Variants in HIPK3 observed in about 807,000 individuals in gnomAD.
The protein encoded by HIPK3 is homeodomain interacting protein kinase 3.
In HIPK3, 47 loss-of-function variants were observed where a neutral mutation model predicts 124.2. That is an observed-to-expected ratio of 0.38 (90% CI 0.30 to 0.48). HIPK3 has a LOEUF of 0.48. Ranked by LOEUF, HIPK3 falls within the 20% of genes least tolerant of loss-of-function variation. The pLI is 0.98. For synonymous variants in HIPK3, 482 were observed against 515.2 expected, an observed-to-expected ratio of 0.94 and a Z score of 0.87; for missense variants, 1,286 against 1,454.3, an observed-to-expected ratio of 0.88 and a Z score of 1.88.
intron 1 of HIPK3, among the ~76,000 whole-genome samples, chr11:33,272,673 ATTC>A (rs1851159848): frequency 9.6e-6 from 1 of 104,630 alleles, no homozygotes; most frequent in South Asian, 3.0e-4. Context: ...TTTTTCCTTT[ATTC>A]TTTTTTCTTT....
At position 33,257,731 on chromosome 11, in the gene HIPK3, C is replaced by T; in HGVS notation, c.-161C>T. 1 of 989,286 alleles carries T rather than the reference C, an allele frequency of 1.0e-6. No homozygotes were observed. The highest frequency in any genetic ancestry group is 4.5e-5 in the South Asian group (1 of 22,118). 61.3% of individuals were successfully genotyped at this position (989,286 alleles called of 1,614,324 possible). A position where few individuals can be genotyped will look rare whatever the true frequency, so the allele number is the denominator to read the frequency against. On this transcript the variant is annotated 5_prime_UTR_variant, in exon 1 of 17. Coordinates refer to ENST00000303296, the MANE Select transcript of HIPK3 (RefSeq NM_005734.5). ...CGCCGTTTCCTCTCAGCCGCCAGGA[C>T]AAGATGGCAGCGGCCGCGGAGAGGG...
chr11:33,270,935 G>A (rs1020796760), intron 1 of HIPK3, among the ~76,000 whole-genome samples: 6 of 152,256 alleles, frequency 3.9e-5, no homozygotes, highest in African/African-American at 1.4e-4. Context: ...TGAATATTTT[G>A]TAATTTTATA....
Position 33,328,628 on chromosome 11 carries a change from G to C in HIPK3, c.1216G>C (p.Asp406His), listed in dbSNP as rs929167719. 1 of 1,613,014 alleles carries C rather than the reference G, an allele frequency of 6.2e-7. No individual in the cohort carries two copies. The change falls in exon 3 of 17, where the codon GAT becomes CAT. Residue 406 changes from aspartate (D) to histidine (H), a missense_variant. Around this residue, in one of 3 missense-constraint regions of HIPK3, gnomAD observed 251 missense variants for 349.1 expected, o/e 0.72. Transcript: ENST00000303296. ...WPLYPGALEY[D>H]QIRYISQTQG... ...GCTCTACCCAGGAGCCTTGGAGTATGATCAGGTAACAAATAATGATAATCT... is the reference window on the plus strand; with the variant it reads ...GCTCTACCCAGGAGCCTTGGAGTATCATCAGGTAACAAATAATGATAATCT...
intron 7 of HIPK3, 138 bp from the exon 8 acceptor site, chr11:33,341,425 C>T (rs1434987266): frequency 2.1e-6 from 2 of 949,710 alleles, no homozygotes; most frequent in East Asian, 2.8e-5. Flanking sequence ...TTAATTTCGG[C>T]AGCTTGTTTT....
At chr11:33,307,627 C>G (rs1329316636) in intron 2 of HIPK3, among the ~76,000 whole-genome samples, 5 of 149,610 alleles carry the variant, frequency 3.3e-5, no homozygotes, top group Non-Finnish European at 7.4e-5. Flanking sequence ...AGGATGGTCT[C>G]GATCTCCTGA....
chr11:33,320,143 T>C (rs911498022), intron 2 of HIPK3, among the ~76,000 whole-genome samples: 2 of 152,074 alleles, frequency 1.3e-5, no homozygotes, highest in Admixed American at 1.3e-4. Flanking sequence ...AGTGGGAGAA[T>C]GGTAGGAAGT....
At chr11:33,336,042 G>A (rs1853136774) in intron 3 of HIPK3, among the ~76,000 whole-genome samples, 2 of 152,050 alleles carry the variant, frequency 1.3e-5, no homozygotes, top group South Asian at 4.1e-4. Context: ...GTAAGAAAAT[G>A]GAAAGTAAAT....
In HIPK3 at chr11:33,287,121, G is replaced by A. The variant is rs751170625; in HGVS notation, c.707G>A (p.Arg236His). The A allele has an allele frequency of 6.2e-6, 10 of 1,613,978 alleles. No individual in the cohort carries two copies. The highest frequency in any genetic ancestry group is 2.2e-5 in the South Asian group (2 of 91,074). The change falls in exon 2 of 17, where the codon CGT becomes CAT. Residue 236 changes from arginine to histidine, a missense_variant. This residue lies in a region of HIPK3 where 251 missense variants were observed against 349.1 expected (regional missense o/e 0.72). Transcript: ENST00000303296. ...TTGAAGAATCATCCTTCTTATGCCCGTCAAGGTCAAATAGAAGTGAGCATA... is the reference window on the plus strand; with the variant it reads ...TTGAAGAATCATCCTTCTTATGCCCATCAAGGTCAAATAGAAGTGAGCATA... The part of the protein sequence containing the change: ...KILKNHPSYA[R>H]QGQIEVSILA...
intron 1 of HIPK3, among the ~76,000 whole-genome samples, chr11:33,285,990 G>A (rs1851539057): frequency 6.6e-6 from 1 of 152,116 alleles, no homozygotes; most frequent in African/African-American, 2.4e-5. Context: ...GGCCAGGCTG[G>A]TCTTGGACTC....
intron 3 of HIPK3, among the ~76,000 whole-genome samples, chr11:33,329,739 C>G (rs921383528): frequency 1.3e-5 from 2 of 152,190 alleles, no homozygotes; most frequent in African/African-American, 4.8e-5. Flanking sequence ...CTTCTTTCAG[C>G]TTTCTACCCA....
intron 3 of HIPK3, among the ~76,000 whole-genome samples, chr11:33,333,673 TTTTG>T (rs997990710): frequency 1.7e-4 from 26 of 152,286 alleles, no homozygotes; most frequent in Admixed American, 4.6e-4. Context: ...CACTGGCCAC[TTTTG>T]TTTGTTTGTT....
At chr11:33,341,447 T>C in intron 7 of HIPK3, 116 bp from the exon 8 acceptor site, 2 of 1,092,582 alleles carry the variant, frequency 1.8e-6, no homozygotes, top group South Asian at 2.4e-5. Flanking sequence ...GTTCTCATTT[T>C]CTGGACACAT....
chr11:33,298,207 C>T (rs544124669), intron 2 of HIPK3, among the ~76,000 whole-genome samples: 4 of 152,144 alleles, frequency 2.6e-5, no homozygotes, highest in African/African-American at 4.8e-5. Flanking sequence ...GACTCTGCCT[C>T]GACTCTGCCT....
At chr11:33,301,249 A>G (rs1363081957) in intron 2 of HIPK3, among the ~76,000 whole-genome samples, 1 of 152,166 alleles carries the variant, frequency 6.6e-6, no homozygotes, top group Non-Finnish European at 1.5e-5. Context: ...AGAGTACAAC[A>G]TGTATTTGCA....
At chr11:33,345,935 G>A (rs1279358757) in intron 8 of HIPK3, among the ~76,000 whole-genome samples, 10 of 152,174 alleles carry the variant, frequency 6.6e-5, no homozygotes, top group African/African-American at 2.2e-4. Flanking sequence ...GAAAACAATT[G>A]TAGTATTTTT....
At chr11:33,317,088 A>G (rs536693523) in intron 2 of HIPK3, among the ~76,000 whole-genome samples, 1 of 151,542 alleles carries the variant, frequency 6.6e-6, no homozygotes, top group East Asian at 2.0e-4. Context: ...CTCATGCCTC[A>G]GCCTCCCTAA....
chr11:33,347,862 T>G lies in HIPK3; in HGVS notation c.2155T>G (p.Ser719Ala). The change falls in exon 11 of 17, where the codon TCA (serine) becomes GCA (alanine). Residue 719 changes from serine to alanine, a missense_variant. Physicochemically the swap from Ser to Ala is moderately conservative, Grantham distance 99 (BLOSUM62 1). Coordinates refer to ENST00000303296, the MANE Select transcript of HIPK3 (RefSeq NM_005734.5). ...HRLGDWGKMI[S>A]CSNHYNSVMP... ...TGAACTTCTCCCTAGGAAGATGATT[T>G]CATGCAGCAATCATTATAACTCAGT... 6.2e-7 allele frequency: 1 copy of G among 1,614,162 alleles called. No individual in the cohort carries two copies. The highest frequency in any genetic ancestry group is 1.3e-5 in the African/African-American group (1 of 75,060).
At chr11:33,258,058 C>A (rs541013196) in intron 1 of HIPK3, among the ~76,000 whole-genome samples, 169 bp downstream of exon 1, 4 of 152,114 alleles carry the variant, frequency 2.6e-5, no homozygotes, top group African/African-American at 7.2e-5. Flanking sequence ...CCAGCGCTCT[C>A]GTGCTCCCAG....
intron 2 of HIPK3, among the ~76,000 whole-genome samples, chr11:33,294,931 T>A (rs1353023846): frequency 1.3e-5 from 2 of 152,202 alleles, no homozygotes; most frequent in African/African-American, 4.8e-5. Flanking sequence ...GTCTCATTAG[T>A]GTCCTCTAAT....
Sources: gnomAD v4.1 joint callset for allele counts (sites outside exome capture counted in the v4.1 genomes callset) on GRCh38, gnomAD v4.1.1 for gene constraint, gnomAD v4.1.1 regional missense constraint, MANE v1.5 for transcripts, NCBI Gene and HGNC (gene_info 2026-07-23, HGNC 2026-07-21) for gene names.